LEMD3: variants seen among roughly 807,000 people sequenced by gnomAD.
The protein encoded by LEMD3 is inner nuclear membrane protein Man1.
In LEMD3, 33 loss-of-function variants were observed where a neutral mutation model predicts 95.2. The ratio of observed to expected loss-of-function variants is 0.35; its 90% CI spans 0.26 to 0.46. The LOEUF (loss-of-function observed/expected upper bound fraction) is 0.46, where lower values mean the gene tolerates loss of function less well. Ranked by LOEUF, LEMD3 falls within the 20% of genes least tolerant of loss-of-function variation. The pLI, the probability that LEMD3 is intolerant of heterozygous loss-of-function variation, is 1.00. For synonymous variants in LEMD3, 525 were observed against 474.6 expected (o/e 1.11, Z -1.38); for missense variants, 1,210 against 1,192.8 (o/e 1.01, Z -0.21).
At chr12:65,202,373 A>AT (rs202206449) in intron 1 of LEMD3, among the ~76,000 whole-genome samples, 2,561 of 148,968 alleles carry the variant, frequency 0.017, 34 homozygotes, top group Middle Eastern at 0.045. Context: ...AGATCATGTG[A>AT]TTTTTTTTTT....
intron 1 of LEMD3, among the ~76,000 whole-genome samples, chr12:65,192,296 C>T (rs1374590713): frequency 1.3e-5 from 2 of 152,096 alleles, no homozygotes; most frequent in Non-Finnish European, 2.9e-5. Context: ...CCACCTTGAC[C>T]ATACATAAAA....
intron 1 of LEMD3, among the ~76,000 whole-genome samples, chr12:65,198,576 G>GTA (rs1325550015): frequency 6.6e-6 from 1 of 152,042 alleles, no homozygotes; most frequent in Non-Finnish European, 1.5e-5. Context: ...TCTGATCCTT[G>GTA]TATATTAGTG....
At chr12:65,197,077 C>G (rs531296380) in intron 1 of LEMD3, among the ~76,000 whole-genome samples, 2 of 152,146 alleles carry the variant, frequency 1.3e-5, no homozygotes, top group Non-Finnish European at 2.9e-5. Flanking sequence ...AAGATCCTAG[C>G]TAGAGGTTAG....
intron 1 of LEMD3, among the ~76,000 whole-genome samples, chr12:65,178,278 C>T (rs1868791807): frequency 6.6e-6 from 1 of 150,874 alleles, no homozygotes; most frequent in Non-Finnish European, 1.5e-5. Flanking sequence ...TTTGCATATA[C>T]CAGTTTGATG....
intron 1 of LEMD3, among the ~76,000 whole-genome samples, chr12:65,199,041 G>C (rs1869516232): frequency 6.6e-6 from 1 of 152,110 alleles, no homozygotes; most frequent in African/African-American, 2.4e-5. Flanking sequence ...TTTTGTCTTT[G>C]TGGGACGGGT....
intron 4 of LEMD3, among the ~76,000 whole-genome samples, chr12:65,221,211 TAA>T (rs1411026005): frequency 1.1e-4 from 17 of 149,582 alleles, no homozygotes; most frequent in African/African-American, 4.2e-4. Context: ...TTTCAGTGTA[TAA>T]GTCTTTCACC....
intron 1 of LEMD3, among the ~76,000 whole-genome samples, chr12:65,175,367 G>T (rs1326816637): frequency 6.6e-6 from 1 of 151,988 alleles, no homozygotes; most frequent in Non-Finnish European, 1.5e-5. Flanking sequence ...TTGCTCTTCT[G>T]TGCTCTTTTC....
At chr12:65,214,845 T>C (rs967170575) in intron 2 of LEMD3, among the ~76,000 whole-genome samples, 1 of 152,192 alleles carries the variant, frequency 6.6e-6, no homozygotes, top group Admixed American at 6.5e-5. Context: ...CCATCATTTA[T>C]GTCGATCCCT....
At chr12:65,204,362 G>A (rs1869698827) in intron 1 of LEMD3, among the ~76,000 whole-genome samples, 1 of 151,944 alleles carries the variant, frequency 6.6e-6, no homozygotes, top group Admixed American at 6.6e-5. Context: ...CCCAGTGTGG[G>A]TTTTTCCCCT....
At chr12:65,198,981 G>A (rs1271521189) in intron 1 of LEMD3, among the ~76,000 whole-genome samples, 2 of 152,034 alleles carry the variant, frequency 1.3e-5, no homozygotes, top group Non-Finnish European at 2.9e-5. Context: ...ATTAGATAGA[G>A]GCAGCACCTT....
chr12:65,193,683 C>G (rs549849944), intron 1 of LEMD3, among the ~76,000 whole-genome samples: 109 of 150,918 alleles, frequency 7.2e-4, no homozygotes, highest in African/African-American at 2.5e-3. Context: ...ATTAGAGAGA[C>G]AGTTAACAAC....
chr12:65,229,742 A>G (rs1006755106), intron 4 of LEMD3, among the ~76,000 whole-genome samples: 3 of 152,120 alleles, frequency 2.0e-5, no homozygotes, highest in South Asian at 2.1e-4. Flanking sequence ...CTGGATATCA[A>G]TCCCTTGTCA....
intron 4 of LEMD3, among the ~76,000 whole-genome samples, chr12:65,225,000 C>G (rs1870404597): frequency 6.6e-6 from 1 of 152,042 alleles, no homozygotes; most frequent in Non-Finnish European, 1.5e-5. Context: ...CTGATTCTTT[C>G]TTCTGTTTGA....
At chr12:65,194,769 G>T (rs906450103) in intron 1 of LEMD3, among the ~76,000 whole-genome samples, 14 of 25,132 alleles carry the variant, frequency 5.6e-4, no homozygotes, top group African/African-American at 5.3e-3. Context: ...TACATAGGCA[G>T]TTTAGTTTTG....
At chr12:65,184,693 G>C (rs558396434) in intron 1 of LEMD3, among the ~76,000 whole-genome samples, 1 of 152,038 alleles carries the variant, frequency 6.6e-6, no homozygotes, top group Admixed American at 6.6e-5. Context: ...GCAAATAAAC[G>C]TTTTATGCTC....
chr12:65,179,759 A>G (rs1375197397), intron 1 of LEMD3, among the ~76,000 whole-genome samples: 1 of 152,198 alleles, frequency 6.6e-6, no homozygotes, highest in Non-Finnish European at 1.5e-5. Context: ...CATGTATCCC[A>G]GAACTTAAAA....
intron 4 of LEMD3, among the ~76,000 whole-genome samples, chr12:65,218,979 A>G (rs1002112614): frequency 1.3e-5 from 2 of 152,002 alleles, no homozygotes; most frequent in Admixed American, 1.3e-4. Flanking sequence ...TTTAGTAGAG[A>G]TGGAGTTTCA....
chr12:65,218,739 G>T, intron 4 of LEMD3, 120 bp downstream of exon 4: 19 of 502,198 alleles, frequency 3.8e-5, no homozygotes, highest in East Asian at 1.4e-4. Flanking sequence ...TGGGCCTGCT[G>T]TTTGGTATAA....
chr12:65,214,944 T>C (rs1870055709), intron 2 of LEMD3, among the ~76,000 whole-genome samples: 1 of 152,200 alleles, frequency 6.6e-6, no homozygotes, highest in South Asian at 2.1e-4. Flanking sequence ...TAATTCTCTA[T>C]CTGGACTCTT....
Sources: gnomAD v4.1 joint callset for allele counts (sites outside exome capture counted in the v4.1 genomes callset) on GRCh38, gnomAD v4.1.1 for gene constraint, MANE v1.5 for transcripts, NCBI Gene and HGNC (gene_info 2026-07-23, HGNC 2026-07-21) for gene names.